EPHB1: variants seen among roughly 807,000 people sequenced by gnomAD.
EPHB1 encodes EPH receptor B1.
A neutral mutation model predicts 94.4 loss-of-function variants in EPHB1; 30 were observed. That is an observed-to-expected ratio of 0.32 (90% CI 0.24 to 0.43). The LOEUF is 0.43. Among genes scored for constraint, EPHB1 ranks in the 20% least tolerant of loss-of-function variants. The pLI is 1.00. For missense variants in EPHB1, 1,055 were observed against 1,308.3 expected (o/e 0.81, Z 2.99); for synonymous variants, 522 against 489.1 (o/e 1.07, Z -0.89).
intron 1 of EPHB1, among the ~76,000 whole-genome samples, chr3:134,815,160 G>A (rs989316464): frequency 6.6e-6 from 1 of 152,164 alleles, no homozygotes; most frequent in African/African-American, 2.4e-5. Flanking sequence ...AACAAAATTG[G>A]AATATAGCCT....
intron 6 of EPHB1, among the ~76,000 whole-genome samples, chr3:135,159,026 T>A (rs1182011279): frequency 6.6e-6 from 1 of 152,194 alleles, no homozygotes; most frequent in Admixed American, 6.5e-5. Context: ...TATTTATTCA[T>A]TTGGCATTGA....
intron 1 of EPHB1, among the ~76,000 whole-genome samples, chr3:134,902,549 C>T (rs2038223660): frequency 6.6e-6 from 1 of 152,136 alleles, no homozygotes; most frequent in Non-Finnish European, 1.5e-5. Context: ...ATGAAATAAA[C>T]AATATTTTAA....
chr3:135,098,158 A>G (rs905582450), intron 3 of EPHB1, among the ~76,000 whole-genome samples: 10 of 152,324 alleles, frequency 6.6e-5, no homozygotes, highest in African/African-American at 2.4e-4. Flanking sequence ...GCTCCTTGGA[A>G]TTGGAGGTTG....
chr3:135,258,857 T>C (rs561199763), intron 15 of EPHB1, among the ~76,000 whole-genome samples, 155 bp from the exon 16 acceptor site: 1 of 152,312 alleles, frequency 6.6e-6, no homozygotes, highest in South Asian at 2.1e-4. Context: ...GGAAAATCTC[T>C]AATTGGAAGT....
At position 134,920,336 on chromosome 3, in the gene EPHB1, C is replaced by T. The variant is rs548000754; in HGVS notation, c.59-5480C>T. On this transcript the variant is annotated intron_variant, in intron 1 of 15. Coordinates refer to ENST00000398015, the MANE Select transcript of EPHB1 (RefSeq NM_004441.5). ...TCCTTTGTGCAGTGGGACCAACTCT[C>T]GGCTGCTTGCATTTACGTAATAGCA... is the stretch of plus-strand genomic sequence containing the variant. Among the ~76,000 whole-genome samples, 237 of 152,288 alleles carry T rather than the reference C, an allele frequency of 1.6e-3. 1 individual carries two copies. The highest frequency in any genetic ancestry group is 6.8e-3 in the Middle Eastern group (2 of 294).
At chr3:135,115,674 G>A (rs947035519) in intron 4 of EPHB1, among the ~76,000 whole-genome samples, 3 of 152,124 alleles carry the variant, frequency 2.0e-5, no homozygotes, top group Admixed American at 6.5e-5. Context: ...AACCAGGGTT[G>A]ACTCTCAGCT....
intron 12 of EPHB1, among the ~76,000 whole-genome samples, chr3:135,238,239 C>T (rs1943701131): frequency 6.6e-6 from 1 of 152,192 alleles, no homozygotes; most frequent in East Asian, 1.9e-4. Flanking sequence ...TTCTGCCTCC[C>T]AAGTCAGTGT....
At chr3:134,880,322 A>G (rs973535280) in intron 1 of EPHB1, among the ~76,000 whole-genome samples, 5 of 152,184 alleles carry the variant, frequency 3.3e-5, no homozygotes, top group African/African-American at 1.2e-4. Flanking sequence ...ACACCTTAGG[A>G]TTATAAAAAA....
At chr3:135,195,555 A>G (rs1207021367) in intron 11 of EPHB1, among the ~76,000 whole-genome samples, 1 of 150,208 alleles carries the variant, frequency 6.7e-6, no homozygotes, top group East Asian at 2.0e-4. Context: ...TCATTGTTCA[A>G]TTCCCACCTA....
At chr3:135,201,398 A>T in intron 11 of EPHB1, 76 bp from the exon 12 acceptor site, 1 of 1,465,486 alleles carries the variant, frequency 6.8e-7, no homozygotes, top group East Asian at 2.3e-5. Context: ...GACAAGCAGC[A>T]GGGCCACAAC....
intron 1 of EPHB1, among the ~76,000 whole-genome samples, chr3:134,813,527 G>A (rs1055301328): frequency 6.6e-6 from 1 of 152,184 alleles, no homozygotes; most frequent in African/African-American, 2.4e-5. Context: ...TGCAGAGGAA[G>A]CACCCCCTAG....
At chr3:134,807,422 C>A (rs1170121241) in intron 1 of EPHB1, among the ~76,000 whole-genome samples, 1 of 151,698 alleles carries the variant, frequency 6.6e-6, no homozygotes, top group Non-Finnish European at 1.5e-5. Flanking sequence ...TGCGGTATAG[C>A]AGTTTCACAT....
At chr3:134,818,671 G>C (rs535929037) in intron 1 of EPHB1, among the ~76,000 whole-genome samples, 2 of 152,280 alleles carry the variant, frequency 1.3e-5, no homozygotes, top group South Asian at 2.1e-4. Context: ...GTCTCATCCA[G>C]ATCACTGCAA....
At chr3:135,010,892 A>G (rs1935598941) in intron 3 of EPHB1, among the ~76,000 whole-genome samples, 1 of 151,906 alleles carries the variant, frequency 6.6e-6, no homozygotes, top group Non-Finnish European at 1.5e-5. Context: ...CCTGCCCCCA[A>G]CCTCCATGAT....
chr3:135,117,747 C>T (rs971111954), intron 4 of EPHB1, among the ~76,000 whole-genome samples: 2 of 152,220 alleles, frequency 1.3e-5, no homozygotes, highest in African/African-American at 2.4e-5. Flanking sequence ...CTTAGACTTG[C>T]AGGAGATGCC....
intron 1 of EPHB1, among the ~76,000 whole-genome samples, chr3:134,854,219 G>T (rs2037057765): frequency 6.6e-6 from 1 of 152,160 alleles, no homozygotes; most frequent in African/African-American, 2.4e-5. Flanking sequence ...AATATGTGTG[G>T]ACTGAACAAA....
intron 2 of EPHB1, among the ~76,000 whole-genome samples, chr3:134,939,496 C>G (rs2039075550): frequency 6.6e-6 from 1 of 152,156 alleles, no homozygotes; most frequent in African/African-American, 2.4e-5. Context: ...AAATCCCTGC[C>G]TTGGTTGGTT....
chr3:135,227,387 C>T (rs769564403), intron 12 of EPHB1, among the ~76,000 whole-genome samples: 6 of 152,066 alleles, frequency 3.9e-5, no homozygotes, highest in African/African-American at 9.7e-5. Context: ...GTTTGGTGTG[C>T]TTTCTTCTCC....
Position 134,849,002 on chromosome 3 carries a change from A to C in EPHB1, c.58+53313A>C, listed in dbSNP as rs533971145. ...AGGCAAGACTCAGCCTTGTCCTGTG[A>C]AGATCACACCTACGCACAAGGCGGG... On this transcript the variant is annotated intron_variant, in intron 1 of 15. Transcript: ENST00000398015. Among the ~76,000 whole-genome samples, 2 of 152,292 alleles carry C rather than the reference A, an allele frequency of 1.3e-5. 1 individual carries two copies. The highest frequency in any genetic ancestry group is 4.2e-4 in the South Asian group (2 of 4,818).
Sources: gnomAD v4.1 joint callset for allele counts (sites outside exome capture counted in the v4.1 genomes callset) on GRCh38, gnomAD v4.1.1 for gene constraint, MANE v1.5 for transcripts, NCBI Gene and HGNC (gene_info 2026-07-23, HGNC 2026-07-21) for gene names.